The following FRMD4A variants were observed in gnomAD, a reference collection of about 807,000 sequenced individuals.
The protein encoded by FRMD4A is FERM domain-containing protein 4A.
A neutral mutation model predicts 129.1 loss-of-function variants in FRMD4A; 29 were observed. That is an observed-to-expected ratio of 0.22 (90% CI 0.17 to 0.31). FRMD4A has a LOEUF of 0.31. FRMD4A is among the 10% of genes least tolerant of loss of function. The pLI, the probability that FRMD4A is intolerant of heterozygous loss-of-function variation, is 1.00. For synonymous variants in FRMD4A, 634 were observed against 571.6 expected, an observed-to-expected ratio of 1.11 and a Z score of -1.56; for missense variants, 1,272 against 1,375.8, an observed-to-expected ratio of 0.92 and a Z score of 1.19.
intron 2 of FRMD4A, among the ~76,000 whole-genome samples, chr10:14,163,585 A>G (rs898472542): frequency 6.6e-6 from 1 of 152,208 alleles, no homozygotes; most frequent in Non-Finnish European, 1.5e-5. Context: ...TGACAGAAGG[A>G]AACGTGTTTA....
chr10:13,681,098 C>T (rs1310642216), intron 15 of FRMD4A, among the ~76,000 whole-genome samples: 1 of 152,160 alleles, frequency 6.6e-6, no homozygotes, highest in African/African-American at 2.4e-5. Context: ...TCGGATAGTT[C>T]CCTCGTGCCT....
chr10:13,904,992 C>CAAA lies in FRMD4A; in HGVS notation c.46-46083_46-46081dup, dbSNP rs397772526. Among the ~76,000 whole-genome samples the CAAA allele has an allele frequency of 1.0e-3, 111 of 109,420 alleles. 1 individual carries two copies. Among genetic ancestry groups the CAAA allele is most frequent in the African/African-American group, 3.5e-3 (97 of 27,788 alleles). 71.8% of individuals were successfully genotyped at this position (109,420 alleles called of 152,430 possible). A position where few individuals can be genotyped will look rare whatever the true frequency, so the allele number is the denominator to read the frequency against. The stretch of plus-strand genomic sequence containing the variant: ...TGGGCGACAGAGTGAGACTCTATCT[C>CAAA]AAAAAAAAAAAAAAAAAAGAAAAGA... On this transcript the variant is annotated intron_variant, in intron 2 of 24. Coordinates refer to ENST00000357447, the MANE Select transcript of FRMD4A (RefSeq NM_018027.5).
chr10:13,699,424 T>C (rs1410319078), intron 14 of FRMD4A, among the ~76,000 whole-genome samples: 1 of 152,064 alleles, frequency 6.6e-6, no homozygotes, highest in African/African-American at 2.4e-5. Context: ...AGTTGACCTG[T>C]TAGCCTGTTC....
chr10:13,926,207 G>C (rs1175076080), intron 2 of FRMD4A, among the ~76,000 whole-genome samples: 1 of 152,146 alleles, frequency 6.6e-6, no homozygotes, highest in South Asian at 2.1e-4. Flanking sequence ...CTGTGTATTG[G>C]AAAACATTTG....
At chr10:13,953,654 TATTTTACTTA>T (rs764503246) in intron 2 of FRMD4A, among the ~76,000 whole-genome samples, 3 of 152,300 alleles carry the variant, frequency 2.0e-5, no homozygotes, top group Non-Finnish European at 4.4e-5. Flanking sequence ...AAGTCACTCT[TATTTTACTTA>T]ATAGCCTCAA....
At chr10:14,014,065 T>A (rs2095690433) in intron 2 of FRMD4A, among the ~76,000 whole-genome samples, 1 of 152,002 alleles carries the variant, frequency 6.6e-6, no homozygotes, top group Non-Finnish European at 1.5e-5. Context: ...GCAGTGAGTA[T>A]CGGGGAGGTG....
chr10:14,267,793 T>G (rs2132042019), intron 2 of FRMD4A, among the ~76,000 whole-genome samples: 1 of 152,310 alleles, frequency 6.6e-6, no homozygotes, highest in Non-Finnish European at 1.5e-5. Flanking sequence ...CACTTAGCTT[T>G]GGGAAAACTC....
chr10:13,699,231 T>G (rs1048134548), intron 14 of FRMD4A, among the ~76,000 whole-genome samples: 2 of 125,222 alleles, frequency 1.6e-5, no homozygotes, highest in African/African-American at 2.9e-5. Flanking sequence ...ATTGTTTTTT[T>G]TTTTTTTTTT....
intron 15 of FRMD4A, among the ~76,000 whole-genome samples, chr10:13,676,376 C>T (rs185715347): frequency 2.7e-4 from 41 of 151,870 alleles, no homozygotes; most frequent in Admixed American, 1.4e-3. Flanking sequence ...ATTCTCCTGC[C>T]TCAGCCTGCC....
chr10:14,310,225 G>T (rs954216822), intron 2 of FRMD4A, among the ~76,000 whole-genome samples: 1 of 152,022 alleles, frequency 6.6e-6, no homozygotes, highest in South Asian at 2.1e-4. Context: ...ATTTCTTTAC[G>T]CACTCAATTT....
At chr10:13,954,253 C>G (rs2095394232) in intron 2 of FRMD4A, among the ~76,000 whole-genome samples, 1 of 152,142 alleles carries the variant, frequency 6.6e-6, no homozygotes, top group Non-Finnish European at 1.5e-5. Context: ...TAAAGACACA[C>G]CTGAGACTGA....
intron 2 of FRMD4A, among the ~76,000 whole-genome samples, chr10:14,042,131 C>T (rs1200975466): frequency 6.6e-6 from 1 of 152,130 alleles, no homozygotes; most frequent in Admixed American, 6.6e-5. Flanking sequence ...GTCTGCTAGC[C>T]GTAATAAAGA....
chr10:14,273,771 G>T (rs982020259), intron 2 of FRMD4A, among the ~76,000 whole-genome samples: 2 of 152,192 alleles, frequency 1.3e-5, no homozygotes, highest in Non-Finnish European at 2.9e-5. Context: ...GAGTGGAGAG[G>T]AGGACTTTGG....
intron 2 of FRMD4A, among the ~76,000 whole-genome samples, chr10:14,139,089 T>C (rs1460716401): frequency 6.6e-6 from 1 of 152,232 alleles, no homozygotes; most frequent in Non-Finnish European, 1.5e-5. Flanking sequence ...CTATTGTTTG[T>C]TAACATTTTT....
At chr10:13,677,273 C>T (rs116932661) in intron 15 of FRMD4A, among the ~76,000 whole-genome samples, 2,021 of 152,194 alleles carry the variant, frequency 0.013, 14 homozygotes, top group Middle Eastern at 0.031. Flanking sequence ...TATCTGTCAC[C>T]GCAGAAACAT....
chr10:13,987,156 T>A (rs2095584606), intron 2 of FRMD4A, among the ~76,000 whole-genome samples: 1 of 152,140 alleles, frequency 6.6e-6, no homozygotes, highest in African/African-American at 2.4e-5. Flanking sequence ...TGTCCGTCAC[T>A]GTACTTAATG....
chr10:13,814,630 G>A (rs1170829374), intron 3 of FRMD4A, among the ~76,000 whole-genome samples: 11 of 112,208 alleles, frequency 9.8e-5, no homozygotes, highest in Admixed American at 2.7e-4. Flanking sequence ...AAGAGAGAGA[G>A]AAAAAAAAGA....
chr10:13,818,875 C>T (rs2093587160), intron 3 of FRMD4A, among the ~76,000 whole-genome samples: 1 of 152,132 alleles, frequency 6.6e-6, no homozygotes, highest in African/African-American at 2.4e-5. Flanking sequence ...CCTATAATCC[C>T]AGGACTTTGG....
At chr10:14,250,444 T>C (rs1017411156) in intron 2 of FRMD4A, among the ~76,000 whole-genome samples, 3 of 152,216 alleles carry the variant, frequency 2.0e-5, no homozygotes, top group Non-Finnish European at 4.4e-5. Flanking sequence ...GGTGTTGCCC[T>C]ATAAAAGGAT....
Sources: gnomAD v4.1 joint callset for allele counts (sites outside exome capture counted in the v4.1 genomes callset) on GRCh38, gnomAD v4.1.1 for gene constraint, MANE v1.5 for transcripts, NCBI Gene and HGNC (gene_info 2026-07-23, HGNC 2026-07-21) for gene names.